The following NEK7 variants were observed in gnomAD, a reference collection of about 807,000 sequenced individuals.
NEK7 encodes NIMA related kinase 7, also known as serine/threonine-protein kinase Nek7.
Under a neutral mutation model 44.6 loss-of-function variants are expected in NEK7, and 18 were observed. That is an observed-to-expected ratio of 0.40 (90% CI 0.28 to 0.60). The LOEUF is 0.60. Ranked by LOEUF, NEK7 falls within the 20% of genes least tolerant of loss-of-function variation. The pLI, the probability that NEK7 is intolerant of heterozygous loss-of-function variation, is 0.38. For missense variants in NEK7, 256 were observed against 366.5 expected (o/e 0.70, Z 2.46); for synonymous variants, 130 against 121.1 (o/e 1.07, Z -0.48).
rs777929623 is a variant in NEK7 at position 198,297,115 on chromosome 1, GGCA to G, written c.685-11_685-9del. 3 of 1,546,208 alleles carry G rather than the reference GGCA, an allele frequency of 1.9e-6. No homozygotes were observed. In the African/African-American group the frequency reaches 4.1e-5, roughly 21 times the overall value. ...ATCTAACTATATCAGTTTCATTGGG[GGCA>G]TTTTACAGATGGCTGCATTACAAAG... On this transcript the variant is annotated splice_polypyrimidine_tract_variant and intron_variant, in intron 8 of 9. Transcript: ENST00000367385.
chr1:198,237,068 T>C (rs543324878), intron 2 of NEK7, among the ~76,000 whole-genome samples: 1 of 152,288 alleles, frequency 6.6e-6, no homozygotes, highest in South Asian at 2.1e-4. Context: ...ACTTAGCAGC[T>C]GCATTTGATA....
intron 1 of NEK7, among the ~76,000 whole-genome samples, chr1:198,158,744 G>A (rs150687162): frequency 2.8e-4 from 42 of 152,312 alleles, no homozygotes; most frequent in African/African-American, 1.0e-3. Flanking sequence ...TCTTGAAACA[G>A]CTAACTTAAA....
chr1:198,267,050 A>G (rs1056309425), intron 5 of NEK7, among the ~76,000 whole-genome samples: 7 of 151,952 alleles, frequency 4.6e-5, no homozygotes, highest in Admixed American at 1.3e-4. Flanking sequence ...CTGTTACCGT[A>G]TTCTTGTTAG....
intron 2 of NEK7, among the ~76,000 whole-genome samples, chr1:198,241,088 G>A (rs766873371): frequency 6.3e-4 from 96 of 152,326 alleles, no homozygotes; most frequent in Non-Finnish European, 1.1e-3. Flanking sequence ...AGCCTTCCTG[G>A]TGTAAAACCA....
At position 198,209,671 on chromosome 1, in the gene NEK7, T is replaced by C. The variant is rs188827368; in HGVS notation, c.-28-22882T>C. On this transcript the variant is annotated intron_variant, in intron 1 of 9. Transcript: ENST00000367385. ...TCTTTTACTTTCTCTCTCTCTCTCT[T>C]TTTTTTAATAGCAAAGATGGAGTCT... Among the ~76,000 whole-genome samples, 18 of 152,186 alleles carry C rather than the reference T, an allele frequency of 1.2e-4. No homozygotes were observed. In the South Asian group the frequency reaches 1.2e-3, roughly 11 times the overall value.
chr1:198,299,249 A>G (rs1373978478), intron 9 of NEK7, among the ~76,000 whole-genome samples: 1 of 152,214 alleles, frequency 6.6e-6, no homozygotes, highest in Non-Finnish European at 1.5e-5. Flanking sequence ...ACTGTATAAC[A>G]ATGTTACTTT....
chr1:198,265,433 A>G (rs1306803104), intron 5 of NEK7, among the ~76,000 whole-genome samples: 1 of 152,152 alleles, frequency 6.6e-6, no homozygotes, highest in Non-Finnish European at 1.5e-5. Context: ...AGAGAATTAA[A>G]AGCAAGCAAA....
At chr1:198,210,908 A>G (rs1205452728) in intron 1 of NEK7, among the ~76,000 whole-genome samples, 1 of 150,542 alleles carries the variant, frequency 6.6e-6, no homozygotes. Flanking sequence ...GCCCGCCACT[A>G]CGCCCGGCTA....
intron 1 of NEK7, among the ~76,000 whole-genome samples, chr1:198,190,065 A>T (rs1477709909): frequency 1.3e-5 from 2 of 152,094 alleles, no homozygotes; most frequent in African/African-American, 4.8e-5. Context: ...CTTGCATTTT[A>T]TTTGAAACAC....
At chr1:198,221,672 G>A (rs539491234) in intron 1 of NEK7, among the ~76,000 whole-genome samples, 1 of 151,934 alleles carries the variant, frequency 6.6e-6, no homozygotes, top group African/African-American at 2.4e-5. Flanking sequence ...CACTGAAGAT[G>A]TCTACAGATG....
chr1:198,233,989 G>A (rs1191868620), intron 2 of NEK7, among the ~76,000 whole-genome samples: 6 of 148,618 alleles, frequency 4.0e-5, no homozygotes, highest in African/African-American at 1.5e-4. Context: ...GAAATGTGGC[G>A]GTATCTTCTT....
chr1:198,293,100 C>A, intron 8 of NEK7, 61 bp downstream of exon 8: 1 of 888,360 alleles, frequency 1.1e-6, no homozygotes, highest in Non-Finnish European at 1.9e-6. Flanking sequence ...TTTCCTCTAT[C>A]CTTATAGTAT....
intron 9 of NEK7, among the ~76,000 whole-genome samples, chr1:198,309,123 TCC>T (rs1655098814): frequency 6.6e-6 from 1 of 152,112 alleles, no homozygotes; most frequent in African/African-American, 2.4e-5. Flanking sequence ...AGAGTTAAGT[TCC>T]ACGTAGCAAA....
chr1:198,293,294 C>T (rs747951565), intron 8 of NEK7, among the ~76,000 whole-genome samples: 2 of 151,794 alleles, frequency 1.3e-5, no homozygotes, highest in African/African-American at 2.4e-5. Context: ...GTTAATATAA[C>T]GCCTTTCTCT....
intron 5 of NEK7, among the ~76,000 whole-genome samples, chr1:198,275,565 T>C (rs985237904): frequency 6.6e-6 from 1 of 151,350 alleles, no homozygotes; most frequent in African/African-American, 2.4e-5. Context: ...AAACAGGATT[T>C]TCAAACAATA....
chr1:198,258,192 G>A (rs55822392), intron 3 of NEK7, among the ~76,000 whole-genome samples: 1 of 151,974 alleles, frequency 6.6e-6, no homozygotes. Context: ...TGTAATCCCA[G>A]CATTTTGGGA....
intron 5 of NEK7, among the ~76,000 whole-genome samples, chr1:198,267,694 C>T (rs915051591): frequency 6.6e-6 from 1 of 152,066 alleles, no homozygotes; most frequent in African/African-American, 2.4e-5. Context: ...CCACCTGCCT[C>T]AGCCTCCCAA....
intron 9 of NEK7, among the ~76,000 whole-genome samples, chr1:198,297,620 C>A (rs1654751183): frequency 6.6e-6 from 1 of 152,198 alleles, no homozygotes; most frequent in African/African-American, 2.4e-5. Flanking sequence ...AGTCCCAGAC[C>A]AGACCAGCAC....
At chr1:198,197,900 C>T (rs1665290439) in intron 1 of NEK7, 4 of 1,223,016 alleles carry the variant, frequency 3.3e-6, no homozygotes, top group Non-Finnish European at 4.8e-6. Context: ...CACTCCTAGT[C>T]CGAACATGCC....
Sources: allele counts gnomAD v4.1 joint callset (sites outside exome capture counted in the v4.1 genomes callset), GRCh38; gene constraint gnomAD v4.1.1; transcripts MANE v1.5; gene names NCBI Gene and HGNC (gene_info 2026-07-23, HGNC 2026-07-21).